Variants in JARID2 observed in about 807,000 individuals in gnomAD.
JARID2 encodes the protein protein Jumonji.
Under a neutral mutation model 125.6 loss-of-function variants are expected in JARID2, and 21 were observed. The observed-to-expected ratio is 0.17, with a 90% CI of 0.12 to 0.24. The LOEUF (loss-of-function observed/expected upper bound fraction) is 0.24, where lower values mean the gene tolerates loss of function less well. JARID2 is among the 10% of genes least tolerant of loss of function. The pLI is 1.00. For missense variants in JARID2, 1,303 were observed against 1,639.6 expected (o/e 0.79, Z 3.55); for synonymous variants, 736 against 661.6 (o/e 1.11, Z -1.73).
chr6:15,509,920 A>T (rs1771192714), intron 12 of JARID2, among the ~76,000 whole-genome samples: 1 of 151,970 alleles, frequency 6.6e-6, no homozygotes, highest in Admixed American at 6.5e-5. Flanking sequence ...TTTTCTTAAA[A>T]CATGTGATTT....
chr6:15,370,151 A>G (rs1764112361), intron 1 of JARID2, among the ~76,000 whole-genome samples: 1 of 152,186 alleles, frequency 6.6e-6, no homozygotes, highest in East Asian at 1.9e-4. Context: ...AGCTCTTGCT[A>G]TATCAGGCAT....
At chr6:15,307,915 C>T (rs1435093998) in intron 1 of JARID2, among the ~76,000 whole-genome samples, 1 of 152,222 alleles carries the variant, frequency 6.6e-6, no homozygotes. Context: ...TAGCTTAAAA[C>T]TTAATGATTT....
At chr6:15,391,265 C>G (rs889194652) in intron 2 of JARID2, among the ~76,000 whole-genome samples, 6 of 152,164 alleles carry the variant, frequency 3.9e-5, no homozygotes, top group Admixed American at 6.5e-5. Context: ...CTAGTTTTCC[C>G]CAGCAAGGCA....
intron 1 of JARID2, chr6:15,248,534 C>A (rs964444660): frequency 6.7e-6 from 1 of 149,586 alleles, no homozygotes; most frequent in African/African-American, 2.4e-5. Context: ...AGCATGGCGG[C>A]GGCGGCCCGG....
intron 3 of JARID2, among the ~76,000 whole-genome samples, chr6:15,427,342 G>T (rs1766771233): frequency 6.6e-6 from 1 of 152,060 alleles, no homozygotes; most frequent in African/African-American, 2.4e-5. Context: ...TTTGCTTCAG[G>T]CTCCTGGCAA....
At chr6:15,461,571 A>T (rs892659926) in intron 4 of JARID2, among the ~76,000 whole-genome samples, 1 of 152,106 alleles carries the variant, frequency 6.6e-6, no homozygotes, top group Non-Finnish European at 1.5e-5. Context: ...TTGCATTTTC[A>T]TCCCCTGTCT....
intron 3 of JARID2, among the ~76,000 whole-genome samples, chr6:15,417,448 G>A (rs1221246181): frequency 1.3e-5 from 2 of 152,210 alleles, no homozygotes; most frequent in Non-Finnish European, 2.9e-5. Context: ...AGAGAATTTT[G>A]GTGTATTGGT....
At chr6:15,263,919 G>A (rs537526205) in intron 1 of JARID2, among the ~76,000 whole-genome samples, 1 of 152,084 alleles carries the variant, frequency 6.6e-6, no homozygotes, top group Admixed American at 6.5e-5. Flanking sequence ...TAGATACAGG[G>A]TGTCGCTGTG....
chr6:15,358,519 A>C (rs923351749), intron 1 of JARID2, among the ~76,000 whole-genome samples: 3 of 152,236 alleles, frequency 2.0e-5, no homozygotes, highest in African/African-American at 7.2e-5. Flanking sequence ...GAGTTGGGGC[A>C]ACCGAAGCTT....
intron 1 of JARID2, among the ~76,000 whole-genome samples, chr6:15,307,932 G>A (rs1308345429): frequency 2.6e-5 from 4 of 152,200 alleles, no homozygotes; most frequent in African/African-American, 9.7e-5. Context: ...ATTTTCTCAG[G>A]AGCCAGTCAG....
rs1426829689 is a variant in JARID2 at position 15,482,421 on chromosome 6, TAA to T, written c.671-4885_671-4884del. 1.9e-4 allele frequency among the ~76,000 whole-genome samples: 29 copies of T among 152,352 alleles called. 1 individual carries two copies. The highest frequency in any genetic ancestry group is 6.3e-4 in the African/African-American group (26 of 41,584). Reference sequence around the variant, plus strand: ...ATTAGAATTAAAAGTTAAGACACTTTAAGATATTTATTCATTTAAAAAATGAC... The same window carrying T: ...ATTAGAATTAAAAGTTAAGACACTTTGATATTTATTCATTTAAAAAATGAC... On this transcript the variant is annotated intron_variant, in intron 5 of 17. Transcript: ENST00000341776.
chr6:15,506,777 A>T (rs1268863706), intron 9 of JARID2, among the ~76,000 whole-genome samples: 1 of 152,218 alleles, frequency 6.6e-6, no homozygotes, highest in East Asian at 1.9e-4. Flanking sequence ...TCTATGTTGT[A>T]GCATGTGTCA....
chr6:15,279,113 G>A (rs1760655462), intron 1 of JARID2, among the ~76,000 whole-genome samples: 1 of 133,688 alleles, frequency 7.5e-6, no homozygotes, highest in Non-Finnish European at 1.5e-5. Context: ...AAGATAAATT[G>A]TCCAGCTATT....
intron 3 of JARID2, among the ~76,000 whole-genome samples, chr6:15,427,703 A>G (rs1393299006): frequency 9.2e-5 from 14 of 151,932 alleles, no homozygotes; most frequent in Non-Finnish European, 1.5e-5. Flanking sequence ...GGAACATTTG[A>G]TCAGTTCCTG....
chr6:15,455,987 C>G (rs1304268386), intron 4 of JARID2, among the ~76,000 whole-genome samples: 1 of 152,196 alleles, frequency 6.6e-6, no homozygotes, highest in Non-Finnish European at 1.5e-5. Context: ...ATTAGGATGT[C>G]TGAAGATTGC....
chr6:15,268,371 T>C (rs191742571), intron 1 of JARID2, among the ~76,000 whole-genome samples: 31 of 152,348 alleles, frequency 2.0e-4, no homozygotes, highest in Admixed American at 7.8e-4. Flanking sequence ...ACGCCAGGAC[T>C]TCATTTAGTC....
chr6:15,463,545 T>G (rs915833121), intron 4 of JARID2, among the ~76,000 whole-genome samples: 3 of 151,516 alleles, frequency 2.0e-5, no homozygotes, highest in Non-Finnish European at 4.4e-5. Flanking sequence ...ATTCTCCTGC[T>G]TCAGCCTCCC....
intron 1 of JARID2, among the ~76,000 whole-genome samples, chr6:15,306,141 C>T (rs1439806582): frequency 6.6e-6 from 1 of 152,030 alleles, no homozygotes; most frequent in Non-Finnish European, 1.5e-5. Flanking sequence ...GCTTTTCGTA[C>T]TTTGAGATCA....
At chr6:15,429,933 G>C (rs1449549041) in intron 3 of JARID2, among the ~76,000 whole-genome samples, 1 of 152,050 alleles carries the variant, frequency 6.6e-6, no homozygotes, top group Non-Finnish European at 1.5e-5. Flanking sequence ...TGTATTTCTA[G>C]CCTCACAGCA....
Sources: allele counts gnomAD v4.1 joint callset (sites outside exome capture counted in the v4.1 genomes callset), GRCh38; gene constraint gnomAD v4.1.1; transcripts MANE v1.5; gene names NCBI Gene and HGNC (gene_info 2026-07-23, HGNC 2026-07-21).